The following PROP1 variants were observed in gnomAD, a reference collection of about 807,000 sequenced individuals.
The protein encoded by PROP1 is homeobox protein prophet of Pit-1.
PROP1 carries 12 observed loss-of-function variants against 22.3 expected under a neutral mutation model. The observed-to-expected ratio is 0.54, with a 90% CI of 0.34 to 0.87. PROP1 has a LOEUF of 0.87. Ranked by LOEUF, PROP1 falls within the 40% of genes least tolerant of loss-of-function variation. PROP1 has a pLI of 0.01. For missense variants in PROP1, 278 were observed against 295.1 expected (o/e 0.94, Z 0.43); for synonymous variants, 112 against 116.7 (o/e 0.96, Z 0.26).
At chr5:177,993,681 C>T (rs1772704569) in intron 2 of PROP1, among the ~76,000 whole-genome samples, 1 of 152,084 alleles carries the variant, frequency 6.6e-6, no homozygotes, top group African/African-American at 2.4e-5. Context: ...CCTGCCTCAG[C>T]CTCCGGAGTA....
In PROP1 at chr5:177,996,140, C is replaced by G; in HGVS notation, c.-207G>C. The G allele has an allele frequency of 4.9e-6, 3 of 607,920 alleles. No homozygotes were observed. In the South Asian group the frequency reaches 5.9e-5, roughly 12 times the overall value. The allele number at this position is 607,920 out of a possible 1,614,324, so 37.7% of individuals were successfully genotyped here. A position where few individuals can be genotyped will look rare whatever the true frequency, so the allele number is the denominator to read the frequency against. ...TTTTTCTAATTGTTTCCTAATTCCC[C>G]CTTCCTTGGCTTGAGTGTCAGCTCA... On this transcript the variant is annotated 5_prime_UTR_variant, in exon 1 of 3. Transcript: ENST00000308304.
chr5:177,993,096 T>G (rs1239798233), intron 2 of PROP1, 49 bp from the exon 3 acceptor site: 1 of 1,487,912 alleles, frequency 6.7e-7, no homozygotes, highest in Admixed American at 1.8e-5. Context: ...ACATAGGTGG[T>G]GACACCCTAC....
At chr5:177,994,067 G>A in intron 2 of PROP1, 39 bp downstream of exon 2, 1 of 1,590,436 alleles carries the variant, frequency 6.3e-7, no homozygotes, top group South Asian at 1.1e-5. Context: ...AAAGAAATCT[G>A]CATTTCTTTC....
At chr5:177,993,087 C>G (rs1772695619) in intron 2 of PROP1, 40 bp from the exon 3 acceptor site, 2 of 1,559,786 alleles carry the variant, frequency 1.3e-6, no homozygotes, top group African/African-American at 1.4e-5. Context: ...CCACACTTGA[C>G]ATAGGTGGTG....
chr5:177,992,788 G>T lies in PROP1; in HGVS notation c.602C>A (p.Ala201Asp), dbSNP rs1241618851. Residue 201 changes from alanine to aspartate, a missense_variant, in exon 3 of 3, where the codon GCC becomes GAC. Transcript: ENST00000308304. ...SEDWYPTLHPAPAGHLPCPPP... is the reference protein window; with the variant it reads ...SEDWYPTLHPDPAGHLPCPPP... Reference sequence around the variant, plus strand: ...GGGGCAGGGCAGATGGCCGGCAGGGGCTGGGTGCAAGGTAGGGTACCAGTC... The same window carrying T: ...GGGGCAGGGCAGATGGCCGGCAGGGTCTGGGTGCAAGGTAGGGTACCAGTC... 5 of 1,600,808 alleles carry T rather than the reference G, an allele frequency of 3.1e-6. No individual in the cohort carries two copies. In the South Asian group the frequency reaches 5.6e-5, roughly 18 times the overall value.
chr5:177,992,607 A>T lies in PROP1; in HGVS notation c.*102T>A. The T allele has an allele frequency of 1.3e-6, 1 of 751,620 alleles. No individual in the cohort carries two copies. The allele number at this position is 751,620 out of a possible 1,614,324, so 46.6% of individuals were successfully genotyped here. ...TCTAATCGCTGAGCTGACCCTCACC[A>T]TGCATCTGCTTCACCCATAGATGGA... On this transcript the variant is annotated 3_prime_UTR_variant, in exon 3 of 3. Transcript: ENST00000308304.
intron 1 of PROP1, among the ~76,000 whole-genome samples, chr5:177,995,437 T>G (rs1295721444): frequency 1.3e-5 from 2 of 151,436 alleles, no homozygotes; most frequent in African/African-American, 4.9e-5. Flanking sequence ...CTCCTAGAGC[T>G]CACTGTCCAC....
In PROP1 at chr5:177,996,016, T is replaced by C; in HGVS notation, c.-83A>G. 2 of 1,176,692 alleles carry C rather than the reference T, an allele frequency of 1.7e-6. No homozygotes were observed. The highest frequency in any genetic ancestry group is 2.5e-6 in the Non-Finnish European group (2 of 799,414). The allele number at this position is 1,176,692 out of a possible 1,614,324, so 72.9% of individuals were successfully genotyped here. A position where few individuals can be genotyped will look rare whatever the true frequency, so the allele number is the denominator to read the frequency against. On this transcript the variant is annotated 5_prime_UTR_variant, in exon 1 of 3. Coordinates refer to ENST00000308304, the MANE Select transcript of PROP1 (RefSeq NM_006261.5). ...GCAGCTCCTCTCCACACCTGTTCCC[T>C]CCCCTTCTCCCTCTGTGTATGCCAC...
intron 1 of PROP1, among the ~76,000 whole-genome samples, chr5:177,995,452 G>A (rs966721199): frequency 3.9e-5 from 6 of 152,012 alleles, no homozygotes; most frequent in African/African-American, 1.4e-4. Flanking sequence ...GTCCACCATG[G>A]GGGACACACA....
intron 2 of PROP1, 26 bp from the exon 3 acceptor site, chr5:177,993,073 G>C: frequency 6.3e-7 from 1 of 1,595,028 alleles, no homozygotes; most frequent in Non-Finnish European, 8.6e-7. Context: ...AACCACATCA[G>C]AGCCCACACT....
chr5:177,994,022 T>G, intron 2 of PROP1, 84 bp downstream of exon 2: 1 of 1,450,914 alleles, frequency 6.9e-7, no homozygotes, highest in Non-Finnish European at 9.7e-7. Context: ...CCATTTAGGT[T>G]AGGGTTATAA....
intron 2 of PROP1, among the ~76,000 whole-genome samples, chr5:177,993,377 CTG>C (rs1161129619): frequency 6.6e-6 from 1 of 152,140 alleles, no homozygotes; most frequent in Non-Finnish European, 1.5e-5. Context: ...ACGATTAAGA[CTG>C]TAGATAAATG....
Position 177,992,941 on chromosome 5 carries a change from G to A in PROP1, c.449C>T (p.Ser150Phe). ...PAAFSSFLPE[S>F]TACPYSYAAP... ...TGCGTAAGAATAGGGGCAAGCAGTG[G>A]ACTCTGGCAAGAAGCTGGAAAAGGC... is the stretch of plus-strand genomic sequence containing the variant. Residue 150 changes from serine (S) to phenylalanine (F), a missense_variant, in exon 3 of 3, where the codon TCC becomes TTC. Ser to Phe is a radical substitution (Grantham distance 155). Transcript: ENST00000308304. 1 of 1,613,976 alleles carries A rather than the reference G, an allele frequency of 6.2e-7. No homozygotes were observed. The highest frequency in any genetic ancestry group is 1.3e-5 in the African/African-American group (1 of 75,024).
chr5:177,992,490 T>C lies in PROP1; in HGVS notation c.*219A>G. On this transcript the variant is annotated 3_prime_UTR_variant, in exon 3 of 3. Coordinates refer to ENST00000308304, the MANE Select transcript of PROP1 (RefSeq NM_006261.5). ...TTCAGCAGGCAGCTCCACCGAGGCA[T>C]CTTGCCCTGTCTCTTCCAGTAGCTC... is the stretch of plus-strand genomic sequence containing the variant. 3.5e-6 allele frequency: 2 copies of C among 571,932 alleles called. No homozygotes were observed. The highest frequency in any genetic ancestry group is 2.8e-5 in the East Asian group (1 of 35,674). 35.4% of individuals were successfully genotyped at this position (571,932 alleles called of 1,614,324 possible).
rs1772659428 is a variant in PROP1, at chr5:177,992,431, C to T, written c.*278G>A. On this transcript the variant is annotated 3_prime_UTR_variant, in exon 3 of 3. Transcript: ENST00000308304. The stretch of plus-strand genomic sequence containing the variant: ...CACCTCCTAGCCCTTCAATCATCTC[C>T]ACTCACCAGCAACTGTCTTCATCAA... 1 of 486,380 alleles carries T rather than the reference C, an allele frequency of 2.1e-6. No homozygotes were observed. The highest frequency in any genetic ancestry group is 3.6e-5 in the South Asian group (1 of 27,548). The allele number at this position is 486,380 out of a possible 1,614,324, so 30.1% of individuals were successfully genotyped here. A position where few individuals can be genotyped will look rare whatever the true frequency, so the allele number is the denominator to read the frequency against.
In PROP1 at chr5:177,995,809, C is replaced by G. The variant is rs186689085; in HGVS notation, c.109+16G>C. 1 of 1,604,236 alleles carries G rather than the reference C, an allele frequency of 6.2e-7. No individual in the cohort carries two copies. Among genetic ancestry groups the G allele is most frequent in the Non-Finnish European group, 8.5e-7 (1 of 1,172,122 alleles). ...TGCCTCCTCAGGGACCCACGCACAC[C>G]GGGACGGTCACTCACCCACCGTGGT... On this transcript the variant is annotated intron_variant, in intron 1 of 2. Transcript: ENST00000308304.
chr5:177,992,982 G>T lies in PROP1; in HGVS notation c.408C>A (p.Ala136=). 1 of 1,614,030 alleles carries T rather than the reference G, an allele frequency of 6.2e-7. No homozygotes were observed. The highest frequency in any genetic ancestry group is 8.5e-7 in the Non-Finnish European group (1 of 1,179,988). The part of the protein sequence containing the change: ...KQERSLLQPL[A]HLSPAAFSSF... ...TGGAAAAGGCGGCAGGAGACAGATG[G>T]GCCAGAGGCTGAAGCAGTGAGCGCT... Residue 136 remains alanine, a synonymous_variant, in exon 3 of 3, where the codon GCC becomes GCA. Coordinates refer to ENST00000308304, the MANE Select transcript of PROP1 (RefSeq NM_006261.5).
In PROP1 at chr5:177,992,712, G is replaced by C; in HGVS notation, c.678C>G (p.Asn226Lys). 1.3e-6 allele frequency: 2 copies of C among 1,551,584 alleles called. No homozygotes were observed. Among genetic ancestry groups the C allele is most frequent in the Non-Finnish European group, 1.7e-6 (2 of 1,147,958 alleles). The change falls in exon 3 of 3, where the codon AAC (asparagine) becomes AAG (lysine). Residue 226 changes from asparagine to lysine, a missense_variant. Asn to Lys is a moderately conservative substitution (Grantham distance 94). Transcript: ENST00000308304. ...CCTTGGTGGTACTTGTTTGACCTCA[G>C]TTCCAGGACTTGGATGGCTCAAGGC... ...PLSLEPSKSW[N>K] is the part of the protein sequence containing the mutation.
Position 177,992,981 on chromosome 5 carries a change from G to A in PROP1, c.409C>T (p.His137Tyr). ...CTGGAAAAGGCGGCAGGAGACAGAT[G>A]GGCCAGAGGCTGAAGCAGTGAGCGC... Reference protein sequence around the residue: ...QERSLLQPLAHLSPAAFSSFL... With the variant: ...QERSLLQPLAYLSPAAFSSFL... Residue 137 changes from histidine (H) to tyrosine (Y), a missense_variant, in exon 3 of 3, where the codon CAT (histidine) becomes TAT (tyrosine). Physicochemically the swap from His to Tyr is moderately conservative, Grantham distance 83 (BLOSUM62 2). Transcript: ENST00000308304. 1.2e-6 allele frequency: 2 copies of A among 1,614,086 alleles called. No homozygotes were observed.
Sources: gnomAD v4.1 joint callset for allele counts (sites outside exome capture counted in the v4.1 genomes callset) on GRCh38, gnomAD v4.1.1 for gene constraint, MANE v1.5 for transcripts, NCBI Gene and HGNC (gene_info 2026-07-23, HGNC 2026-07-21) for gene names.